Variants in CCDC32 observed in about 807,000 individuals in gnomAD.
CCDC32 encodes the protein coiled-coil domain-containing protein 32.
Under a neutral mutation model 20.1 loss-of-function variants are expected in CCDC32, and 9 were observed. That is an observed-to-expected ratio of 0.45 (90% CI 0.27 to 0.78). CCDC32 has a LOEUF of 0.78. Ranked by LOEUF, CCDC32 falls within the 30% of genes least tolerant of loss-of-function variation. The pLI, the probability that CCDC32 is intolerant of heterozygous loss-of-function variation, is 0.16. For synonymous variants in CCDC32, 63 were observed against 79.0 expected, an observed-to-expected ratio of 0.80 and a Z score of 1.07; for missense variants, 204 against 215.5, an observed-to-expected ratio of 0.95 and a Z score of 0.33.
chr15:40,542,285 C>A (rs1282888298), intron 3 of CCDC32, among the ~76,000 whole-genome samples: 3 of 152,240 alleles, frequency 2.0e-5, no homozygotes, highest in Non-Finnish European at 4.4e-5. Flanking sequence ...CTTTGTACTT[C>A]AGTGTGTCTC....
downstream of CCDC32, among the ~76,000 whole-genome samples, chr15:40,550,816 T>C (rs1889821979): frequency 6.6e-6 from 1 of 152,204 alleles, no homozygotes; most frequent in Admixed American, 6.5e-5. Context: ...TCAGTTCCTC[T>C]AAAGCGATTC....
downstream of CCDC32, among the ~76,000 whole-genome samples, chr15:40,550,423 A>G (rs1479933089): frequency 1.3e-5 from 2 of 152,086 alleles, no homozygotes; most frequent in Non-Finnish European, 2.9e-5. Flanking sequence ...GGCCAATACT[A>G]TTTTTTCCTA....
intron 2 of CCDC32, among the ~76,000 whole-genome samples, chr15:40,561,628 A>G (rs1266331836): frequency 6.6e-6 from 1 of 152,152 alleles, no homozygotes; most frequent in Non-Finnish European, 1.5e-5. Flanking sequence ...TGGGTGCACT[A>G]AAATCTCAGA....
exon 4 of CCDC32, chr15:40,539,288 A>G: frequency 6.5e-7 from 1 of 1,535,578 alleles, no homozygotes; most frequent in South Asian, 1.2e-5. Context: ...TGCTCAGCAC[A>G]CTGGTGGCTG....
chr15:40,532,867 A>G (rs956054987), downstream of CCDC32, among the ~76,000 whole-genome samples: 2 of 151,034 alleles, frequency 1.3e-5, no homozygotes, highest in African/African-American at 4.9e-5. Context: ...AGACCTGGCT[A>G]ATTTTTTTTA....
At position 40,562,955 on chromosome 15, in the gene CCDC32, C is replaced by T; in HGVS notation, c.61G>A (p.Glu21Lys). The stretch of plus-strand genomic sequence containing the variant: ...GGATTTGGCAGACAGGAACAAATTT[C>T]AGCCCAGAGATCCTGGCCAGATCTT... ...ATRSGQDLWA[E>K]ICSCLPNPEQ... The change falls in exon 2 of 4, where the codon GAA becomes AAA. Residue 21 changes from glutamate to lysine, a missense_variant. Coordinates refer to ENST00000416810, the MANE Select transcript of CCDC32 (RefSeq NM_001080792.4). The T allele has an allele frequency of 6.2e-7, 1 of 1,614,228 alleles. No individual in the cohort carries two copies. Among genetic ancestry groups the T allele is most frequent in the South Asian group, 1.1e-5 (1 of 91,090 alleles).
downstream of CCDC32, among the ~76,000 whole-genome samples, chr15:40,552,121 C>T (rs1164263273): frequency 1.3e-5 from 2 of 151,496 alleles, no homozygotes; most frequent in African/African-American, 4.9e-5. Flanking sequence ...ATTGTCACTA[C>T]ACTCCAGCTT....
intron 3 of CCDC32, chr15:40,528,909 G>C: frequency 1.6e-6 from 1 of 627,176 alleles, no homozygotes. Flanking sequence ...ACCACCTCTG[G>C]CTCCAGCACG....
At chr15:40,563,359 T>A (rs922279617) in intron 1 of CCDC32, among the ~76,000 whole-genome samples, 1 of 152,012 alleles carries the variant, frequency 6.6e-6, no homozygotes, top group Non-Finnish European at 1.5e-5. Flanking sequence ...CGAGGCCCTG[T>A]CTCACAAATA....
chr15:40,559,512 C>T (rs1335955546), intron 2 of CCDC32, among the ~76,000 whole-genome samples: 1 of 152,204 alleles, frequency 6.6e-6, no homozygotes, highest in Non-Finnish European at 1.5e-5. Flanking sequence ...TTGGCTACCA[C>T]ATGCAGAATT....
Position 40,553,795 on chromosome 15 carries a change from G to A in CCDC32, c.*176C>T, listed in dbSNP as rs1890029915. The A allele has an allele frequency of 7.1e-7, 1 of 1,400,286 alleles. No homozygotes were observed. The highest frequency in any genetic ancestry group is 1.4e-5 in the African/African-American group (1 of 69,156). The allele number at this position is 1,400,286 out of a possible 1,614,324, so 86.7% of individuals were successfully genotyped here. ...CCAGGTAAGTCCCTGGGGGCTTGCA[G>A]CTGTTTTCTTTGTGGAGTGGAAATT... On this transcript the variant is annotated 3_prime_UTR_variant, in exon 4 of 4. Coordinates refer to ENST00000416810, the MANE Select transcript of CCDC32 (RefSeq NM_001080792.4).
chr15:40,536,684 A>C (rs1177110042), downstream of CCDC32: 1 of 152,346 alleles, frequency 6.6e-6, no homozygotes, highest in East Asian at 1.9e-4. Flanking sequence ...CTCACATCCC[A>C]GAACAGGGGC....
chr15:40,540,429 G>T (rs1009487250), intron 3 of CCDC32, among the ~76,000 whole-genome samples: 1 of 149,434 alleles, frequency 6.7e-6, no homozygotes, highest in Admixed American at 6.7e-5. Flanking sequence ...GAGCAATGGC[G>T]TGATATCGGC....
downstream of CCDC32, among the ~76,000 whole-genome samples, chr15:40,526,008 A>C (rs1189813655): frequency 6.7e-6 from 1 of 148,606 alleles, no homozygotes; most frequent in Non-Finnish European, 1.5e-5. Flanking sequence ...GTTGGGCTTT[A>C]CTGTTCTTTC....
chr15:40,563,980 C>T lies in CCDC32; in HGVS notation c.-12-953G>A, dbSNP rs183208307. 6.5e-3 allele frequency among the ~76,000 whole-genome samples: 983 copies of T among 152,230 alleles called. 8 individuals are homozygous for T. The highest frequency in any genetic ancestry group is 0.027 in the Middle Eastern group (8 of 294). ...GGACTACAGGCACTCGCCACCACGC[C>T]CGGCTAATTTTTTGCATTTTTTAGT... On this transcript the variant is annotated intron_variant, in intron 1 of 3. Coordinates refer to ENST00000416810, the MANE Select transcript of CCDC32 (RefSeq NM_001080792.4).
At chr15:40,539,133 A>C, downstream of CCDC32, 1 of 893,472 alleles carries the variant, frequency 1.1e-6, no homozygotes, top group Non-Finnish European at 1.7e-6. Context: ...GCCAGAGGGA[A>C]GTAGTTGTTG....
In CCDC32 at chr15:40,562,743, A is replaced by G. The variant is rs377212238; in HGVS notation, c.244+29T>C. 4.7e-4 allele frequency: 745 copies of G among 1,590,890 alleles called. 1 individual carries two copies. The highest frequency in any genetic ancestry group is 5.8e-4 in the Non-Finnish European group (681 of 1,169,182). On this transcript the variant is annotated intron_variant, in intron 2 of 3. Coordinates refer to ENST00000416810, the MANE Select transcript of CCDC32 (RefSeq NM_001080792.4). ...CCAAGTTTGATGTAACAGAACTTCA[A>G]TATGCTTCCCTAGAGCCGTCAAACT... is the stretch of plus-strand genomic sequence containing the variant.
intron 3 of CCDC32, among the ~76,000 whole-genome samples, chr15:40,546,210 G>A (rs1406312124): frequency 7.6e-6 from 1 of 130,772 alleles, no homozygotes; most frequent in Non-Finnish European, 1.6e-5. Flanking sequence ...TTTTTTTTCT[G>A]AGATAGGGTC....
chr15:40,530,242 A>G (rs913944706), downstream of CCDC32, among the ~76,000 whole-genome samples: 2 of 147,290 alleles, frequency 1.4e-5, no homozygotes, highest in African/African-American at 4.9e-5. Flanking sequence ...GCAGTGAGCC[A>G]AGATTGTGCC....
Sources: gnomAD v4.1 joint callset for allele counts (sites outside exome capture counted in the v4.1 genomes callset) on GRCh38, gnomAD v4.1.1 for gene constraint, MANE v1.5 for transcripts, NCBI Gene and HGNC (gene_info 2026-07-23, HGNC 2026-07-21) for gene names.